KLHL1: variants seen among roughly 807,000 people sequenced by gnomAD.
KLHL1 encodes the protein kelch like family member 1, also known as kelch-like protein 1.
Under a neutral mutation model 77.7 loss-of-function variants are expected in KLHL1, and 47 were observed. The observed-to-expected ratio is 0.60, with a 90% CI of 0.48 to 0.77. The LOEUF (loss-of-function observed/expected upper bound fraction) is 0.77, where lower values mean the gene tolerates loss of function less well. Among genes scored for constraint, KLHL1 ranks in the 30% least tolerant of loss-of-function variants. KLHL1 has a pLI of 0.00. For synonymous variants in KLHL1, 360 were observed against 325.2 expected (o/e 1.11, Z -1.15); for missense variants, 925 against 910.8 (o/e 1.02, Z -0.20).
chr13:70,088,287 A>G (rs1371116709), intron 1 of KLHL1, among the ~76,000 whole-genome samples: 4 of 152,322 alleles, frequency 2.6e-5, no homozygotes, highest in Admixed American at 2.6e-4. Context: ...ATGAGTCTCA[A>G]TCAACAGATG....
intron 1 of KLHL1, among the ~76,000 whole-genome samples, chr13:70,059,517 C>CA (rs1227989374): frequency 3.3e-5 from 5 of 151,784 alleles, no homozygotes; most frequent in Non-Finnish European, 7.4e-5. Context: ...GAAATCAAAG[C>CA]AAAAATGGAG....
intron 1 of KLHL1, among the ~76,000 whole-genome samples, chr13:70,033,342 G>A (rs61964237): frequency 6.6e-6 from 1 of 151,574 alleles, no homozygotes; most frequent in Non-Finnish European, 1.5e-5. Context: ...CAGGCTGGAG[G>A]GCAGTGGCGC....
chr13:69,796,615 G>A, intron 7 of KLHL1, 123 bp downstream of exon 7: 1 of 728,794 alleles, frequency 1.4e-6, no homozygotes, highest in South Asian at 2.0e-5. Context: ...AATTACCCAG[G>A]TTCAGGTATT....
intron 4 of KLHL1, 89 bp downstream of exon 4, chr13:69,939,950 TA>T (rs1196778557): frequency 4.0e-6 from 4 of 1,005,988 alleles, no homozygotes; most frequent in South Asian, 4.2e-5. Context: ...ATTTTAAACT[TA>T]AAAAACTTGC....
chr13:69,722,344 A>C (rs935969697), intron 8 of KLHL1, among the ~76,000 whole-genome samples: 5 of 151,896 alleles, frequency 3.3e-5, no homozygotes, highest in Admixed American at 2.0e-4. Context: ...ATTATATATA[A>C]ATATATACCT....
At chr13:70,052,755 A>T (rs1886658615) in intron 1 of KLHL1, among the ~76,000 whole-genome samples, 1 of 151,970 alleles carries the variant, frequency 6.6e-6, no homozygotes, top group Non-Finnish European at 1.5e-5. Context: ...GCACATACAT[A>T]GGCCTTAGGT....
intron 8 of KLHL1, among the ~76,000 whole-genome samples, chr13:69,723,840 A>ATTT (rs746350927): frequency 0.16 from 9,407 of 58,028 alleles, 500 homozygotes; most frequent in Non-Finnish European, 0.3. Context: ...GCCAGTCAGA[A>ATTT]TTTTTTTTTT....
chr13:69,889,636 C>A (rs964707472), intron 4 of KLHL1, among the ~76,000 whole-genome samples: 1 of 151,900 alleles, frequency 6.6e-6, no homozygotes, highest in Non-Finnish European at 1.5e-5. Flanking sequence ...CTGGGTCGCA[C>A]AATATGGCAT....
intron 7 of KLHL1, among the ~76,000 whole-genome samples, chr13:69,769,316 T>A (rs998339487): frequency 1.2e-4 from 18 of 152,286 alleles, no homozygotes; most frequent in Non-Finnish European, 2.5e-4. Flanking sequence ...TCCAGCTTGG[T>A]AAAATATTTC....
At chr13:69,931,912 A>T (rs565717281) in intron 4 of KLHL1, among the ~76,000 whole-genome samples, 3 of 151,992 alleles carry the variant, frequency 2.0e-5, no homozygotes, top group Admixed American at 2.0e-4. Flanking sequence ...TTTGTTTCTT[A>T]TTAAATTTTC....
At chr13:70,095,581 G>A (rs1355605241) in intron 1 of KLHL1, among the ~76,000 whole-genome samples, 1 of 151,926 alleles carries the variant, frequency 6.6e-6, no homozygotes, top group Non-Finnish European at 1.5e-5. Context: ...ATATTTATGA[G>A]GTACATATGA....
chr13:69,755,979 C>T (rs1027366569), intron 7 of KLHL1, among the ~76,000 whole-genome samples: 1 of 152,056 alleles, frequency 6.6e-6, no homozygotes, highest in Non-Finnish European at 1.5e-5. Flanking sequence ...AGTATTTTGT[C>T]CCAGGGGCCT....
intron 4 of KLHL1, among the ~76,000 whole-genome samples, chr13:69,917,679 C>G (rs569518564): frequency 6.6e-6 from 1 of 152,236 alleles, no homozygotes; most frequent in South Asian, 2.1e-4. Flanking sequence ...CATTTATAAA[C>G]AAACATAAAC....
At chr13:70,056,779 A>T (rs758863359) in intron 1 of KLHL1, among the ~76,000 whole-genome samples, 1 of 152,160 alleles carries the variant, frequency 6.6e-6, no homozygotes, top group Non-Finnish European at 1.5e-5. Flanking sequence ...AAACAAATGA[A>T]AATGGAAACA....
intron 4 of KLHL1, among the ~76,000 whole-genome samples, chr13:69,935,564 G>A (rs1883162125): frequency 6.6e-6 from 1 of 152,156 alleles, no homozygotes; most frequent in Non-Finnish European, 1.5e-5. Context: ...ATGAGTCTCT[G>A]TAGAAGTAAC....
At chr13:69,835,402 C>A (rs1878946638) in intron 6 of KLHL1, among the ~76,000 whole-genome samples, 1 of 152,052 alleles carries the variant, frequency 6.6e-6, no homozygotes, top group Non-Finnish European at 1.5e-5. Flanking sequence ...AGAGAGAGAG[C>A]TAAAGGAATA....
chr13:69,804,444 A>T (rs1877528113), intron 6 of KLHL1, among the ~76,000 whole-genome samples: 1 of 152,148 alleles, frequency 6.6e-6, no homozygotes, highest in Admixed American at 6.5e-5. Context: ...AGTGATAAAA[A>T]GTTTTCTCAA....
At chr13:70,029,815 G>T (rs1037102949) in intron 1 of KLHL1, among the ~76,000 whole-genome samples, 1 of 152,052 alleles carries the variant, frequency 6.6e-6, no homozygotes, top group South Asian at 2.1e-4. Context: ...TGGCAAATTG[G>T]ATAGTCAAGA....
intron 1 of KLHL1, among the ~76,000 whole-genome samples, chr13:69,982,983 T>C (rs1171527051): frequency 6.6e-6 from 1 of 152,126 alleles, no homozygotes; most frequent in Admixed American, 6.6e-5. Flanking sequence ...ACCTAAAATC[T>C]GTTAGAAATA....
Sources: gnomAD v4.1 joint callset for allele counts (sites outside exome capture counted in the v4.1 genomes callset) on GRCh38, gnomAD v4.1.1 for gene constraint, MANE v1.5 for transcripts, NCBI Gene and HGNC (gene_info 2026-07-23, HGNC 2026-07-21) for gene names.